The following MMS22L variants were observed in gnomAD, a reference collection of about 807,000 sequenced individuals.
MMS22L encodes the protein MMS22 like, DNA repair protein, also known as protein MMS22-like.
MMS22L carries 74 observed loss-of-function variants against 159.1 expected under a neutral mutation model. That is an observed-to-expected ratio of 0.47 (90% CI 0.39 to 0.56). The LOEUF is 0.56. Among genes scored for constraint, MMS22L ranks in the 20% least tolerant of loss-of-function variants. The probability of loss-of-function intolerance (pLI) is 0.00; values close to 1 mark genes in which losing one functional copy is unlikely to be tolerated. For missense variants in MMS22L, 1,351 were observed against 1,422.1 expected (o/e 0.95, Z 0.80); for synonymous variants, 517 against 506.9 (o/e 1.02, Z -0.27).
chr6:97,199,650 A>G (rs1453287847), intron 14 of MMS22L, among the ~76,000 whole-genome samples: 4 of 151,958 alleles, frequency 2.6e-5, no homozygotes, highest in Admixed American at 6.6e-5. Flanking sequence ...ACCATTGCCA[A>G]TTGTGTTAAT....
chr6:97,186,784 T>A, intron 14 of MMS22L, 94 bp from the exon 15 acceptor site: 1 of 867,748 alleles, frequency 1.2e-6, no homozygotes. Context: ...TTATATCATA[T>A]GAGAAACATT....
chr6:97,263,517 A>C, intron 8 of MMS22L, 69 bp from the exon 9 acceptor site: 1 of 671,154 alleles, frequency 1.5e-6, no homozygotes, highest in South Asian at 2.8e-5. Flanking sequence ...TATATCTTTC[A>C]AATACTTTTA....
intron 10 of MMS22L, among the ~76,000 whole-genome samples, chr6:97,252,957 T>C (rs1398430463): frequency 6.6e-6 from 1 of 152,190 alleles, no homozygotes; most frequent in Non-Finnish European, 1.5e-5. Context: ...AGCACTACTA[T>C]AGTAATAATG....
rs1810590224 is a variant in MMS22L at position 97,229,259 on chromosome 6, G to C, written c.1674C>G (p.Leu558=). ...TCTGAGACGTTACAAAAGCAGGCTT[G>C]AGGAAATTCAGGAGGTCTAAAACAT... The part of the protein sequence containing the change: ...ASHVLDLLNF[L]KPAFVTSQRA... The change falls in exon 14 of 25, where the codon CTC becomes CTG. Residue 558 remains leucine, a synonymous_variant. Transcript: ENST00000683635. 1.2e-6 allele frequency: 2 copies of C among 1,614,146 alleles called. No homozygotes were observed. Among genetic ancestry groups the C allele is most frequent in the Non-Finnish European group, 8.5e-7 (1 of 1,180,004 alleles).
intron 3 of MMS22L, among the ~76,000 whole-genome samples, chr6:97,279,790 A>G (rs565013131): frequency 6.6e-6 from 1 of 152,126 alleles, no homozygotes; most frequent in South Asian, 2.1e-4. Flanking sequence ...CCTCTCAAAA[A>G]AAAAAAAAAA....
At chr6:97,225,357 G>C (rs1182763313) in intron 14 of MMS22L, among the ~76,000 whole-genome samples, 1 of 151,468 alleles carries the variant, frequency 6.6e-6, no homozygotes, top group East Asian at 1.9e-4. Flanking sequence ...ACAAACTTCT[G>C]TGTTTCATTT....
chr6:97,194,856 A>G (rs1382346088), intron 14 of MMS22L, among the ~76,000 whole-genome samples: 3 of 152,148 alleles, frequency 2.0e-5, no homozygotes, highest in Non-Finnish European at 4.4e-5. Flanking sequence ...AAAGGTATAT[A>G]AAATCAAATC....
intron 7 of MMS22L, among the ~76,000 whole-genome samples, chr6:97,269,698 C>T (rs1220170611): frequency 6.6e-6 from 1 of 151,972 alleles, no homozygotes; most frequent in East Asian, 1.9e-4. Flanking sequence ...TGTATACTAA[C>T]AGATAGAAGG....
intron 15 of MMS22L, among the ~76,000 whole-genome samples, chr6:97,183,433 C>A (rs992733937): frequency 7.9e-5 from 12 of 152,156 alleles, no homozygotes; most frequent in African/African-American, 2.9e-4. Flanking sequence ...TGAAGAAGAA[C>A]CATGCTGACT....
chr6:97,188,427 T>C (rs1805480226), intron 14 of MMS22L, among the ~76,000 whole-genome samples: 2 of 152,200 alleles, frequency 1.3e-5, no homozygotes, highest in South Asian at 4.1e-4. Flanking sequence ...TTCCTTAAAT[T>C]AATTAAATTC....
chr6:97,237,400 C>T (rs923622609), intron 11 of MMS22L, among the ~76,000 whole-genome samples: 4 of 152,090 alleles, frequency 2.6e-5, no homozygotes, highest in African/African-American at 2.4e-5. Context: ...ACTCTTTATT[C>T]ATTATTTAAA....
chr6:97,158,748 G>A (rs1802112568), intron 22 of MMS22L, among the ~76,000 whole-genome samples: 2 of 152,236 alleles, frequency 1.3e-5, no homozygotes, highest in Middle Eastern at 3.4e-3. Context: ...GTCATTTTTA[G>A]AATAAGTGCG....
intron 4 of MMS22L, among the ~76,000 whole-genome samples, chr6:97,274,299 T>G (rs1299455066): frequency 6.6e-6 from 1 of 152,082 alleles, no homozygotes. Flanking sequence ...TGTAAATACC[T>G]CCATATTAAA....
At chr6:97,254,147 T>C (rs1813527766) in intron 10 of MMS22L, 1 of 156,694 alleles carries the variant, frequency 6.4e-6, no homozygotes, top group South Asian at 1.9e-4. Context: ...GAAGTACTTT[T>C]ATTAAATTAT....
At chr6:97,276,655 G>A (rs756496136) in intron 4 of MMS22L, among the ~76,000 whole-genome samples, 12 of 152,086 alleles carry the variant, frequency 7.9e-5, no homozygotes, top group South Asian at 4.1e-4. Context: ...CACACATCAC[G>A]TCTTTGTTTA....
rs918379994 is a variant in MMS22L at position 97,178,346 on chromosome 6, A to G, written c.2679+97T>C. ...AATCAATAATATGATTCAATTTATA[A>G]GAATTCATTTTATAGAAAAACTTTA... On this transcript the variant is annotated intron_variant, in intron 18 of 24. Transcript: ENST00000683635. 5.4e-6 allele frequency: 5 copies of G among 930,510 alleles called. No individual in the cohort carries two copies. In the East Asian group the frequency reaches 1.3e-4, roughly 25 times the overall value. 57.6% of individuals were successfully genotyped at this position (930,510 alleles called of 1,614,324 possible).
chr6:97,248,781 C>G (rs977220234), intron 10 of MMS22L, among the ~76,000 whole-genome samples: 35 of 151,952 alleles, frequency 2.3e-4, no homozygotes, highest in Admixed American at 5.2e-4. Context: ...ATCGCTTGAA[C>G]CCAGGAGGCA....
At chr6:97,158,412 A>G (rs552699443) in intron 22 of MMS22L, among the ~76,000 whole-genome samples, 121 of 152,154 alleles carry the variant, frequency 8.0e-4, no homozygotes, top group African/African-American at 2.7e-3. Context: ...TTAGGGTGTC[A>G]ATTTTAGATC....
At chr6:97,247,885 T>C (rs1213409020) in intron 10 of MMS22L, among the ~76,000 whole-genome samples, 1 of 152,212 alleles carries the variant, frequency 6.6e-6, no homozygotes, top group Non-Finnish European at 1.5e-5. Flanking sequence ...TAATGAATTC[T>C]CATGATTTTA....
Sources: gnomAD v4.1 joint callset for allele counts (sites outside exome capture counted in the v4.1 genomes callset) on GRCh38, gnomAD v4.1.1 for gene constraint, MANE v1.5 for transcripts, NCBI Gene and HGNC (gene_info 2026-07-23, HGNC 2026-07-21) for gene names.